Variants in PTPRM observed in about 807,000 individuals in gnomAD.
PTPRM encodes the protein receptor-type tyrosine-protein phosphatase mu.
A neutral mutation model predicts 186.7 loss-of-function variants in PTPRM; 47 were observed. The observed-to-expected ratio is 0.25, with a 90% CI of 0.20 to 0.32. PTPRM has a LOEUF of 0.32. Ranked by LOEUF, PTPRM falls within the 10% of genes least tolerant of loss-of-function variation. The probability of loss-of-function intolerance (pLI) is 1.00; values close to 1 mark genes in which losing one functional copy is unlikely to be tolerated. For synonymous variants in PTPRM, 668 were observed against 674.9 expected, an observed-to-expected ratio of 0.99 and a Z score of 0.16; for missense variants, 1,494 against 1,865.0, an observed-to-expected ratio of 0.80 and a Z score of 3.66.
At chr18:7,992,115 T>C (rs2083297517) in intron 7 of PTPRM, among the ~76,000 whole-genome samples, 1 of 152,142 alleles carries the variant, frequency 6.6e-6, no homozygotes, top group African/African-American at 2.4e-5. Context: ...TACCGTGCCC[T>C]GAGTGGGTAG....
chr18:7,805,966 A>G (rs924258449), intron 2 of PTPRM, among the ~76,000 whole-genome samples: 1 of 152,210 alleles, frequency 6.6e-6, no homozygotes, highest in Admixed American at 6.5e-5. Context: ...TCAGAAATGA[A>G]GAGGGAGGCC....
chr18:7,984,397 A>G (rs1340941716), intron 7 of PTPRM, among the ~76,000 whole-genome samples: 2 of 151,690 alleles, frequency 1.3e-5, no homozygotes, highest in Non-Finnish European at 2.9e-5. Flanking sequence ...CTGACTCCCA[A>G]CTGGGTTCTT....
chr18:7,683,813 A>G (rs1307005435), intron 1 of PTPRM, among the ~76,000 whole-genome samples: 1 of 152,170 alleles, frequency 6.6e-6, no homozygotes, highest in Non-Finnish European at 1.5e-5. Flanking sequence ...GCCCAGATCA[A>G]GGTGTCTCCT....
intron 13 of PTPRM, among the ~76,000 whole-genome samples, chr18:8,125,976 C>CATATATATATATATAT (rs1178603481): frequency 1.7e-5 from 1 of 59,686 alleles, no homozygotes; most frequent in Non-Finnish European, 3.2e-5. Flanking sequence ...TGTGTGTATA[C>CATATATATATATATAT]ATATATATAT....
intron 6 of PTPRM, 94 bp from the exon 7 acceptor site, chr18:7,955,027 A>G (rs1372737930): frequency 1.6e-6 from 2 of 1,273,442 alleles, no homozygotes; most frequent in Non-Finnish European, 2.1e-6. Flanking sequence ...CTGAAATTTT[A>G]TTATCTTCTA....
intron 1 of PTPRM, among the ~76,000 whole-genome samples, chr18:7,744,607 G>A (rs796101586): frequency 3.4e-4 from 51 of 152,046 alleles, no homozygotes; most frequent in African/African-American, 1.2e-3. Flanking sequence ...ACTAGTACCT[G>A]GCACATGGTA....
At chr18:7,713,148 C>G (rs2144794691) in intron 1 of PTPRM, among the ~76,000 whole-genome samples, 1 of 152,256 alleles carries the variant, frequency 6.6e-6, no homozygotes, top group East Asian at 1.9e-4. Flanking sequence ...CAAAGGGAAG[C>G]CCATCAGACT....
intron 20 of PTPRM, among the ~76,000 whole-genome samples, chr18:8,307,991 G>A (rs2095239461): frequency 6.6e-6 from 1 of 152,078 alleles, no homozygotes; most frequent in Non-Finnish European, 1.5e-5. Flanking sequence ...TGGAACATGA[G>A]CTATTATTAC....
At chr18:8,066,137 G>A (rs2089054385) in intron 7 of PTPRM, among the ~76,000 whole-genome samples, 1 of 151,914 alleles carries the variant, frequency 6.6e-6, no homozygotes, top group African/African-American at 2.4e-5. Flanking sequence ...TTGCAAAATG[G>A]CAGAAAAAAA....
rs144743338 is a variant in PTPRM at position 8,037,834 on chromosome 18, G to T, written c.1133-31852G>T. Among the ~76,000 whole-genome samples the T allele has an allele frequency of 2.0e-5, 3 of 152,194 alleles. No homozygotes were observed. The South Asian group carries it at 6.2e-4, about 32-fold the overall frequency. ...AGTAAGAAATCCACACACCCAAAAA[G>T]CATATGGAAGGGTGCAGAGGTGCGA... On this transcript the variant is annotated intron_variant, in intron 7 of 32. Coordinates refer to ENST00000580170, the MANE Select transcript of PTPRM (RefSeq NM_001105244.2).
At chr18:7,707,587 T>C (rs1456539708) in intron 1 of PTPRM, among the ~76,000 whole-genome samples, 4 of 152,104 alleles carry the variant, frequency 2.6e-5, no homozygotes, top group African/African-American at 7.2e-5. Flanking sequence ...TACGGTGGGC[T>C]ATGATCATGC....
In PTPRM at chr18:7,979,174, C is replaced by A. The variant is rs182544178; in HGVS notation, c.1132+23760C>A. Among the ~76,000 whole-genome samples, 207 of 152,300 alleles carry A rather than the reference C, an allele frequency of 1.4e-3. 1 individual carries two copies. Among genetic ancestry groups the A allele is most frequent in the African/African-American group, 4.8e-3 (200 of 41,564 alleles). The stretch of plus-strand genomic sequence containing the variant: ...CCAGCCAACTGAGGAAATCACTGAC[C>A]CGCCACTGTAGAGTCCTTTGTTCTG... On this transcript the variant is annotated intron_variant, in intron 7 of 32. Transcript: ENST00000580170.
At chr18:8,299,798 G>C (rs559108111) in intron 20 of PTPRM, among the ~76,000 whole-genome samples, 4 of 152,184 alleles carry the variant, frequency 2.6e-5, no homozygotes, top group Non-Finnish European at 5.9e-5. Context: ...AAACAGATGG[G>C]TCTGACTATG....
chr18:7,727,341 A>T (rs1265559019), intron 1 of PTPRM, among the ~76,000 whole-genome samples: 4 of 152,276 alleles, frequency 2.6e-5, no homozygotes, highest in Admixed American at 6.5e-5. Context: ...TTATTTTCTC[A>T]TCAAGCAGAT....
At chr18:7,742,020 A>G (rs1036994393) in intron 1 of PTPRM, 1 of 152,190 alleles carries the variant, frequency 6.6e-6, no homozygotes, top group African/African-American at 2.4e-5. Flanking sequence ...CTAATTACTT[A>G]TGCCATTAAC....
intron 19 of PTPRM, among the ~76,000 whole-genome samples, chr18:8,287,397 T>G (rs1300317612): frequency 1.3e-5 from 2 of 152,186 alleles, no homozygotes; most frequent in Non-Finnish European, 2.9e-5. Context: ...GGAGGGAGAC[T>G]TGCTCAGTTT....
At chr18:7,768,377 C>CA (rs761221894) in intron 1 of PTPRM, among the ~76,000 whole-genome samples, 7 of 152,012 alleles carry the variant, frequency 4.6e-5, no homozygotes, top group African/African-American at 9.7e-5. Context: ...CCTGTGGTCC[C>CA]AGGTACTCTG....
In PTPRM at chr18:7,759,471, T is replaced by C. The variant is rs112710416; in HGVS notation, c.74-14678T>C. Among the ~76,000 whole-genome samples, 898 of 152,358 alleles carry C rather than the reference T, an allele frequency of 5.9e-3. 9 individuals are homozygous for C. Among genetic ancestry groups the C allele is most frequent in the African/African-American group, 0.02 (846 of 41,588 alleles). ...CTGAGAAACAGAACTCCCTACTCTC[T>C]TGGTATATTAAACATATCCCAATGA... On this transcript the variant is annotated intron_variant, in intron 1 of 32. Coordinates refer to ENST00000580170, the MANE Select transcript of PTPRM (RefSeq NM_001105244.2).
intron 1 of PTPRM, among the ~76,000 whole-genome samples, chr18:7,651,697 A>G (rs997626365): frequency 1.5e-4 from 23 of 152,186 alleles, no homozygotes; most frequent in Admixed American, 5.2e-4. Context: ...CTGGCTAGCC[A>G]TATGTAGAAA....
Sources: gnomAD v4.1 joint callset for allele counts (sites outside exome capture counted in the v4.1 genomes callset) on GRCh38, gnomAD v4.1.1 for gene constraint, MANE v1.5 for transcripts, NCBI Gene and HGNC (gene_info 2026-07-23, HGNC 2026-07-21) for gene names.